Variants in XKR9 observed in about 807,000 individuals in gnomAD.
XKR9 encodes the protein XK related 9, also known as XK-related protein 9.
Under a neutral mutation model 32.0 loss-of-function variants are expected in XKR9, and 32 were observed. The ratio of observed to expected loss-of-function variants is 1.00; its 90% confidence interval spans 0.76 to 1.34. The LOEUF is 1.34. XKR9 is among the 40% of genes most tolerant of loss of function. The pLI, the probability that XKR9 is intolerant of heterozygous loss-of-function variation, is 0.00. For synonymous variants in XKR9, 168 were observed against 143.4 expected (o/e 1.17, Z -1.22); for missense variants, 546 against 429.7 (o/e 1.27, Z -2.39).
chr8:71,026,030 G>A, the XKR9 span, among the ~76,000 whole-genome samples: 6 of 151,988 alleles, frequency 3.9e-5, no homozygotes, highest in Admixed American at 3.9e-4. Flanking sequence ...TCTTGCCCAG[G>A]GTGACTTCAT....
the XKR9 span, among the ~76,000 whole-genome samples, chr8:71,007,047 G>C: frequency 1.3e-5 from 2 of 152,154 alleles, no homozygotes; most frequent in Admixed American, 1.3e-4. Context: ...TACTCTGAGA[G>C]TCCTCCCTGA....
At chr8:71,015,636 A>G in the XKR9 span, among the ~76,000 whole-genome samples, 1 of 152,184 alleles carries the variant, frequency 6.6e-6, no homozygotes, top group Non-Finnish European at 1.5e-5. Context: ...ACTTTGTTGG[A>G]TAAACACATT....
chr8:70,751,305 T>A (rs936003306), intron 2 of XKR9, among the ~76,000 whole-genome samples: 1 of 152,134 alleles, frequency 6.6e-6, no homozygotes, highest in African/African-American at 2.4e-5. Context: ...AATTTTTGTA[T>A]TTTTAGTAGA....
intron 4 of XKR9, among the ~76,000 whole-genome samples, chr8:70,709,632 A>C (rs1805838937): frequency 6.6e-6 from 1 of 152,188 alleles, no homozygotes; most frequent in Admixed American, 6.5e-5. Flanking sequence ...TGTACAAAAC[A>C]GTAGCATTTT....
chr8:70,741,499 T>C (rs1806981639), intron 2 of XKR9, among the ~76,000 whole-genome samples: 1 of 152,250 alleles, frequency 6.6e-6, no homozygotes, highest in African/African-American at 2.4e-5. Flanking sequence ...ATTGTATTTG[T>C]CTTTTGTTAC....
chr8:71,010,174 C>A, the XKR9 span, among the ~76,000 whole-genome samples: 1 of 152,268 alleles, frequency 6.6e-6, no homozygotes, highest in African/African-American at 2.4e-5. Flanking sequence ...TGAAAACATT[C>A]CTATTGGTAC....
At position 70,687,861 on chromosome 8, in the gene XKR9, TCTAACA is replaced by T. The variant is rs533523588; in HGVS notation, c.272+6532_272+6537del. 3.8e-3 allele frequency among the ~76,000 whole-genome samples: 575 copies of T among 152,336 alleles called. 4 individuals carry two copies. The highest frequency in any genetic ancestry group is 0.013 in the African/African-American group (544 of 41,574). On this transcript the variant is annotated intron_variant, in intron 3 of 4. Transcript: ENST00000408926. ...AAATTTATTCAGACTTGTTTTATTG[TCTAACA>T]TATGGTCCATCTTTATGAATGTTTC... is the stretch of plus-strand genomic sequence containing the variant.
In XKR9 at chr8:70,676,845, T is replaced by TAAAC. The variant is rs201718954; in HGVS notation, c.-279+1965_-279+1968dup. Reference sequence around the variant, plus strand: ...GGTAATATAGAGAGACCCTGTCTCTTAAACAAACAAACAAACAAACAACCC... The same window carrying TAAAC: ...GGTAATATAGAGAGACCCTGTCTCTTAAACAAACAAACAAACAAACAAACAACCC... On this transcript the variant is annotated intron_variant, in intron 2 of 4. Coordinates refer to ENST00000408926, the MANE Select transcript of XKR9 (RefSeq NM_001011720.2). Among the ~76,000 whole-genome samples the TAAAC allele has an allele frequency of 9.9e-5, 15 of 152,128 alleles. No homozygotes were observed. The South Asian group carries it at 1.0e-3, about 11-fold the overall frequency.
the XKR9 span, among the ~76,000 whole-genome samples, chr8:71,035,732 AC>A: frequency 3.3e-5 from 5 of 152,150 alleles, no homozygotes; most frequent in African/African-American, 1.2e-4. Flanking sequence ...AGCATATGCT[AC>A]CCCAAATATG....
At chr8:71,016,062 T>TCC in the XKR9 span, among the ~76,000 whole-genome samples, 12 of 150,294 alleles carry the variant, frequency 8.0e-5, no homozygotes, top group East Asian at 1.9e-4. Flanking sequence ...GCAATCCATT[T>TCC]TCCCCCCCGG....
At position 70,734,460 on chromosome 8, in the gene XKR9, G is replaced by A. The variant is rs767319845; in HGVS notation, c.*36G>A. The A allele has an allele frequency of 6.2e-6, 9 of 1,453,704 alleles. No individual in the cohort carries two copies. In the Admixed American group the frequency reaches 1.0e-4, roughly 17 times the overall value. The allele number at this position is 1,453,704 out of a possible 1,614,324, so 90.1% of individuals were successfully genotyped here. ...TATGATATATATTTTCTTATATTTT[G>A]TTTCATTGGTTAGTAAAGAAAATGT... is the stretch of plus-strand genomic sequence containing the variant. On this transcript the variant is annotated 3_prime_UTR_variant, in exon 5 of 5. Transcript: ENST00000408926.
chr8:70,796,232 G>C, the XKR9 span, among the ~76,000 whole-genome samples: 1 of 151,870 alleles, frequency 6.6e-6, no homozygotes, highest in Non-Finnish European at 1.5e-5. Flanking sequence ...CTTCTACTAG[G>C]CTCTGGTGCC....
At chr8:70,914,903 T>C in the XKR9 span, among the ~76,000 whole-genome samples, 7 of 152,340 alleles carry the variant, frequency 4.6e-5, no homozygotes, top group Middle Eastern at 3.4e-3. Flanking sequence ...GATATTGCAG[T>C]GAAGAAAGAG....
chr8:70,761,644 GCTGT>G (rs1383139279), intron 2 of XKR9, among the ~76,000 whole-genome samples: 2 of 151,998 alleles, frequency 1.3e-5, no homozygotes, highest in African/African-American at 4.8e-5. Flanking sequence ...CATTCTGTAA[GCTGT>G]CTGTTAACTC....
At chr8:70,887,047 T>C in the XKR9 span, among the ~76,000 whole-genome samples, 3 of 152,316 alleles carry the variant, frequency 2.0e-5, no homozygotes, top group African/African-American at 7.2e-5. Context: ...AGGGTTTTTA[T>C]AGTTTTAAGT....
chr8:70,855,488 A>G, the XKR9 span, among the ~76,000 whole-genome samples: 4 of 152,298 alleles, frequency 2.6e-5, no homozygotes, highest in South Asian at 8.3e-4. Flanking sequence ...GAAAAGACCA[A>G]ATCTACGTCT....
At chr8:70,804,995 T>A in the XKR9 span, among the ~76,000 whole-genome samples, 8 of 152,330 alleles carry the variant, frequency 5.3e-5, no homozygotes, top group East Asian at 1.3e-3. Flanking sequence ...GAGGCCAAGA[T>A]CGCAGACTAG....
At chr8:70,731,384 A>G (rs1359068949) in intron 4 of XKR9, among the ~76,000 whole-genome samples, 1 of 152,052 alleles carries the variant, frequency 6.6e-6, no homozygotes, top group Non-Finnish European at 1.5e-5. Flanking sequence ...TTCCAGAAGA[A>G]TGGAGCAACT....
At chr8:70,732,361 T>G (rs1256147452) in intron 4 of XKR9, among the ~76,000 whole-genome samples, 1 of 152,204 alleles carries the variant, frequency 6.6e-6, no homozygotes, top group Non-Finnish European at 1.5e-5. Flanking sequence ...CAGGACTATT[T>G]CCGTATTACA....
Sources: gnomAD v4.1 joint callset for allele counts (sites outside exome capture counted in the v4.1 genomes callset) on GRCh38, gnomAD v4.1.1 for gene constraint, MANE v1.5 for transcripts, NCBI Gene and HGNC (gene_info 2026-07-23, HGNC 2026-07-21) for gene names.